The following RYR2 variants were observed in gnomAD, a reference collection of about 807,000 sequenced individuals.
RYR2 encodes the protein cardiac muscle ryanodine receptor-calcium release channel.
Under a neutral mutation model 601.1 loss-of-function variants are expected in RYR2, and 227 were observed. The observed-to-expected ratio is 0.38, with a 90% confidence interval of 0.34 to 0.42. The LOEUF is 0.42. RYR2 is among the 10% of genes least tolerant of loss of function. The pLI, the probability that RYR2 is intolerant of heterozygous loss-of-function variation, is 1.00. For missense variants in RYR2, 4,646 were observed against 6,156.5 expected (o/e 0.75, Z 8.21); for synonymous variants, 2,223 against 2,175.1 (o/e 1.02, Z -0.61).
chr1:237,614,859 G>A lies in RYR2; in HGVS notation c.5715+16G>A. 6.5e-7 allele frequency: 1 copy of A among 1,537,776 alleles called. No individual in the cohort carries two copies. Among genetic ancestry groups the A allele is most frequent in the Non-Finnish European group, 8.7e-7 (1 of 1,146,566 alleles). On this transcript the variant is annotated intron_variant, in intron 37 of 104. Coordinates refer to ENST00000366574, the MANE Select transcript of RYR2 (RefSeq NM_001035.3). The surrounding 1 kb of genome is among the most constrained non-coding windows in gnomAD (Gnocchi z 4.3). The stretch of plus-strand genomic sequence containing the variant: ...TAAATTGCAGGTAATCAGAACAAGA[G>A]ACTTGAGTGAATTTCAGAATTGCTA...
chr1:237,650,623 A>G (rs548487627), intron 50 of RYR2, among the ~76,000 whole-genome samples: 5 of 152,322 alleles, frequency 3.3e-5, no homozygotes, highest in African/African-American at 1.2e-4. Flanking sequence ...TGAAAACCAG[A>G]AACGTATCTC....
rs765138478 is a variant in RYR2 at position 237,702,075 on chromosome 1, G to C, written c.9449+16G>C. 2 of 1,409,730 alleles carry C rather than the reference G, an allele frequency of 1.4e-6. No homozygotes were observed. The highest frequency in any genetic ancestry group is 2.0e-6 in the Non-Finnish European group (2 of 997,182). 87.3% of individuals were successfully genotyped at this position (1,409,730 alleles called of 1,614,324 possible). A position where few individuals can be genotyped will look rare whatever the true frequency, so the allele number is the denominator to read the frequency against. The stretch of plus-strand genomic sequence containing the variant: ...ACGTGGAGAGGTAAGAATGTTTAAA[G>C]TTTAACTTTGTATTAATTGCTGCTT... On this transcript the variant is annotated intron_variant, in intron 66 of 104. Transcript: ENST00000366574.
At chr1:237,613,957 G>C (rs1032503522) in intron 36 of RYR2, 82 bp from the exon 37 acceptor site, 1 of 1,318,150 alleles carries the variant, frequency 7.6e-7, no homozygotes, top group Non-Finnish European at 1.0e-6. Flanking sequence ...CAAATTTACA[G>C]TGCATACTGA....
Position 237,503,346 on chromosome 1 carries a change from G to A in RYR2, c.2454G>A (p.Gly818=), listed in dbSNP as rs769137517. ...AATTCAAATTTCTTCCTCCACCTGG[G>A]TATGCTCCTTGTTATGAAGCTGTTC... ...HGEFKFLPPP[G]YAPCYEAVLP... Residue 818 remains glycine (G), a synonymous_variant, in exon 22 of 105, where the codon GGG becomes GGA. Transcript: ENST00000366574. 5 of 1,613,846 alleles carry A rather than the reference G, an allele frequency of 3.1e-6. No individual in the cohort carries two copies. The highest frequency in any genetic ancestry group is 4.2e-6 in the Non-Finnish European group (5 of 1,179,862).
At chr1:237,816,010 A>G (rs972124212) in intron 100 of RYR2, among the ~76,000 whole-genome samples, 19 of 152,258 alleles carry the variant, frequency 1.2e-4, no homozygotes, top group African/African-American at 4.3e-4. Context: ...CAGTTCATCC[A>G]TCAGTTGCTG....
chr1:237,705,824 C>T (rs562439193), intron 67 of RYR2, among the ~76,000 whole-genome samples: 3 of 152,240 alleles, frequency 2.0e-5, no homozygotes, highest in South Asian at 2.1e-4. Context: ...TGAGTCAGAA[C>T]AGTTTTTAAG....
chr1:237,778,656 T>A lies in RYR2; in HGVS notation c.11776-10T>A. The stretch of plus-strand genomic sequence containing the variant: ...GAGGAATAATTGCCGTTTGTCTGTT[T>A]ATGCTCCAGGGTCCTTGCACTGGGA... On this transcript the variant is annotated splice_polypyrimidine_tract_variant and intron_variant, in intron 87 of 104. Coordinates refer to ENST00000366574, the MANE Select transcript of RYR2 (RefSeq NM_001035.3). The A allele has an allele frequency of 6.7e-7, 1 of 1,485,888 alleles. No homozygotes were observed. Among genetic ancestry groups the A allele is most frequent in the Non-Finnish European group, 9.3e-7 (1 of 1,072,402 alleles). 92.0% of individuals were successfully genotyped at this position (1,485,888 alleles called of 1,614,324 possible).
chr1:237,766,274 A>G (rs999419279), intron 84 of RYR2, among the ~76,000 whole-genome samples: 1 of 152,220 alleles, frequency 6.6e-6, no homozygotes, highest in Non-Finnish European at 1.5e-5. Context: ...TGATCCACCT[A>G]GAATTGAGTT....
At chr1:237,609,907 A>G (rs1231624058) in intron 35 of RYR2, among the ~76,000 whole-genome samples, 1 of 151,740 alleles carries the variant, frequency 6.6e-6, no homozygotes, top group African/African-American at 2.4e-5. Context: ...ATTCATTAGC[A>G]TATCATCAGT....
At chr1:237,081,136 C>T (rs190104652) in intron 1 of RYR2, among the ~76,000 whole-genome samples, 2,838 of 73,856 alleles carry the variant, frequency 0.038, 190 homozygotes, top group African/African-American at 0.15. Context: ...GTGGTGGGGT[C>T]GGGGGAGGGG....
chr1:237,810,851 T>C lies in RYR2; in HGVS notation c.14433+1816T>C, dbSNP rs553856118. 5.3e-5 allele frequency among the ~76,000 whole-genome samples: 8 copies of C among 152,268 alleles called. No individual in the cohort carries two copies. The East Asian group carries it at 1.5e-3, about 29-fold the overall frequency. ...ACATTTAATTTAAAAAAACAAGATC[T>C]TGGATCAGTAATGATAGGATCCTAA... On this transcript the variant is annotated intron_variant, in intron 100 of 104. Transcript: ENST00000366574.
chr1:237,612,167 G>A (rs1340017845), intron 36 of RYR2, among the ~76,000 whole-genome samples: 4 of 152,138 alleles, frequency 2.6e-5, no homozygotes, highest in African/African-American at 9.7e-5. Context: ...ACCAGTCACG[G>A]AAGTATATTA....
At chr1:237,735,348 G>A (rs1262598258) in intron 79 of RYR2, among the ~76,000 whole-genome samples, 1 of 152,102 alleles carries the variant, frequency 6.6e-6, no homozygotes, top group African/African-American at 2.4e-5. Context: ...ATATCTAGAT[G>A]GAATTGTGAG....
intron 2 of RYR2, among the ~76,000 whole-genome samples, chr1:237,327,806 C>T (rs997987040): frequency 6.6e-6 from 1 of 152,000 alleles, no homozygotes; most frequent in Non-Finnish European, 1.5e-5. Flanking sequence ...TCATAACAAC[C>T]CTATGAGAAG....
chr1:237,231,825 C>T (rs1423724642), intron 1 of RYR2, among the ~76,000 whole-genome samples: 1 of 152,110 alleles, frequency 6.6e-6, no homozygotes, highest in Non-Finnish European at 1.5e-5. Flanking sequence ...GCATCTTGTT[C>T]CACATTGCTT....
chr1:237,657,608 T>C (rs1446291491), intron 53 of RYR2, among the ~76,000 whole-genome samples: 1 of 151,658 alleles, frequency 6.6e-6, no homozygotes, highest in Admixed American at 6.6e-5. Flanking sequence ...TTGTTTTTTC[T>C]TTTTTGTGTA....
chr1:237,577,043 CTG>C (rs1673299720), intron 29 of RYR2, among the ~76,000 whole-genome samples: 2 of 152,170 alleles, frequency 1.3e-5, no homozygotes, highest in African/African-American at 4.8e-5. Flanking sequence ...CTTTGGAAAA[CTG>C]TGTGACAGGA....
chr1:237,490,837 T>C (rs1221308971), intron 17 of RYR2, among the ~76,000 whole-genome samples: 1 of 152,190 alleles, frequency 6.6e-6, no homozygotes, highest in East Asian at 1.9e-4. Context: ...CCTTTGTAAA[T>C]GTAAAACTTT....
At chr1:237,150,496 C>A (rs550644031) in intron 1 of RYR2, among the ~76,000 whole-genome samples, 2 of 152,116 alleles carry the variant, frequency 1.3e-5, no homozygotes, top group Admixed American at 6.5e-5. Context: ...TGTGGAAAGC[C>A]CCTGAAGACA....
Sources: allele counts gnomAD v4.1 joint callset (sites outside exome capture counted in the v4.1 genomes callset), GRCh38; gene constraint gnomAD v4.1.1; non-coding constraint Gnocchi (gnomAD v3.1); transcripts MANE v1.5; gene names NCBI Gene and HGNC (gene_info 2026-07-23, HGNC 2026-07-21).